NGEF: variants seen among roughly 807,000 people sequenced by gnomAD.
The protein encoded by NGEF is neuronal guanine nucleotide exchange factor, also known as ephexin-1.
A neutral mutation model predicts 80.9 loss-of-function variants in NGEF; 31 were observed. That is an observed-to-expected ratio of 0.38 (90% CI 0.29 to 0.52). The LOEUF is 0.52. NGEF is among the 20% of genes least tolerant of loss of function. The probability of loss-of-function intolerance (pLI) is 0.84; values close to 1 mark genes in which losing one functional copy is unlikely to be tolerated. For missense variants in NGEF, 709 were observed against 926.2 expected (o/e 0.77, Z 3.04); for synonymous variants, 371 against 370.2 (o/e 1.00, Z -0.03).
chr2:232,922,113 A>G (rs1692959753), intron 4 of NGEF, among the ~76,000 whole-genome samples: 1 of 152,214 alleles, frequency 6.6e-6, no homozygotes, highest in Admixed American at 6.5e-5. Context: ...TCTAACTATG[A>G]GACAAAGATG....
At chr2:232,970,990 A>G (rs944280971) in intron 2 of NGEF, among the ~76,000 whole-genome samples, 2 of 152,168 alleles carry the variant, frequency 1.3e-5, no homozygotes, top group Non-Finnish European at 2.9e-5. Flanking sequence ...CAACTTGCCA[A>G]TTTTTTTAGC....
intron 9 of NGEF, among the ~76,000 whole-genome samples, chr2:232,886,418 G>A (rs796355531): frequency 9.2e-5 from 14 of 152,192 alleles, no homozygotes; most frequent in African/African-American, 2.9e-4. Flanking sequence ...TGCGTGTGCC[G>A]TGTGTGCAGT....
rs865799153 is a variant in NGEF, at chr2:232,878,949, G to C, written c.*540C>G. The C allele has an allele frequency of 3.5e-4, 53 of 153,018 alleles. No individual in the cohort carries two copies. The highest frequency in any genetic ancestry group is 6.8e-3 in the Middle Eastern group (2 of 294). 9.5% of individuals were successfully genotyped at this position (153,018 alleles called of 1,614,324 possible). On this transcript the variant is annotated 3_prime_UTR_variant, in exon 15 of 15. Transcript: ENST00000264051. ...TGCAGCCAGAGGCTGGCAGAGGCCTGGGGAAGGGTGGGCAGAGGCAGCTGG... is the reference window on the plus strand; with the variant it reads ...TGCAGCCAGAGGCTGGCAGAGGCCTCGGGAAGGGTGGGCAGAGGCAGCTGG...
chr2:232,948,147 A>ATGTGTGTGTGTGTGTG (rs375640068), intron 3 of NGEF, among the ~76,000 whole-genome samples: 26 of 141,652 alleles, frequency 1.8e-4, no homozygotes, highest in African/African-American at 6.8e-4. Flanking sequence ...TAGCCTGGAG[A>ATGTGTGTGTGTGTGTG]TGTGTGTGTG....
chr2:232,948,187 A>G (rs372162027), intron 3 of NGEF, among the ~76,000 whole-genome samples: 3 of 76,902 alleles, frequency 3.9e-5, no homozygotes, highest in African/African-American at 1.7e-4. Flanking sequence ...GTGTGTGTAT[A>G]TAATTATTAT....
chr2:232,900,696 G>T (rs1243888875), intron 5 of NGEF, among the ~76,000 whole-genome samples: 1 of 118,580 alleles, frequency 8.4e-6, no homozygotes, highest in African/African-American at 3.5e-5. Context: ...TCATATACAC[G>T]TTCACTCACA....
chr2:232,955,244 G>A lies in NGEF; in HGVS notation c.383+14970C>T, dbSNP rs547710693. Reference sequence around the variant, plus strand: ...CTGAGCCGTTGGAGGGTCAGCTGCCGACCTGACATCCCATCATCCCCAAAT... The same window carrying A: ...CTGAGCCGTTGGAGGGTCAGCTGCCAACCTGACATCCCATCATCCCCAAAT... On this transcript the variant is annotated intron_variant, in intron 3 of 14. Transcript: ENST00000264051. Among the ~76,000 whole-genome samples, 5 of 152,196 alleles carry A rather than the reference G, an allele frequency of 3.3e-5. No individual in the cohort carries two copies. The South Asian group carries it at 8.3e-4, about 25-fold the overall frequency.
intron 4 of NGEF, among the ~76,000 whole-genome samples, chr2:232,926,307 C>T (rs969297671): frequency 2.6e-5 from 4 of 151,036 alleles, no homozygotes; most frequent in Non-Finnish European, 5.9e-5. Context: ...CCTCTCCTGA[C>T]GACATGAGAA....
chr2:233,012,685 A>G (rs13406245), intron 1 of NGEF: 103 of 369,120 alleles, frequency 2.8e-4, no homozygotes, highest in African/African-American at 2.2e-3. Context: ...GCTTGCTTTA[A>G]TGCTGTGTTG....
At position 232,879,428 on chromosome 2, in the gene NGEF, C is replaced by CA. The variant is rs962040100; in HGVS notation, c.*60_*61insT. ...GGCCTGTGCTTCCCAGAGCCCCCCC[C>CA]CCCCCACCTTCTGTCGGGGTCTCAT... On this transcript the variant is annotated 3_prime_UTR_variant, in exon 15 of 15. Transcript: ENST00000264051. 61 of 1,442,320 alleles carry CA rather than the reference C, an allele frequency of 4.2e-5. 1 individual carries two copies. Among genetic ancestry groups the CA allele is most frequent in the Non-Finnish European group, 5.3e-5 (56 of 1,057,770 alleles). 89.3% of individuals were successfully genotyped at this position (1,442,320 alleles called of 1,614,324 possible). A position where few individuals can be genotyped will look rare whatever the true frequency, so the allele number is the denominator to read the frequency against.
intron 5 of NGEF, among the ~76,000 whole-genome samples, chr2:232,914,886 G>T (rs1234815331): frequency 6.6e-6 from 1 of 151,598 alleles, no homozygotes; most frequent in East Asian, 1.9e-4. Flanking sequence ...GCGTGGTGGT[G>T]CACGCCTGTA....
chr2:232,879,763 A>G, intron 14 of NGEF, 84 bp from the exon 15 acceptor site: 1 of 1,351,784 alleles, frequency 7.4e-7, no homozygotes, highest in East Asian at 2.4e-5. Context: ...CAGGGCCCCC[A>G]TCTGTGGCGG....
chr2:232,981,966 A>G (rs1206532578), intron 1 of NGEF, among the ~76,000 whole-genome samples: 1 of 152,166 alleles, frequency 6.6e-6, no homozygotes. Context: ...AGGGGCCACC[A>G]GAGGGAAAAA....
intron 1 of NGEF, among the ~76,000 whole-genome samples, chr2:232,980,954 C>T (rs547227448): frequency 5.9e-5 from 9 of 151,892 alleles, no homozygotes; most frequent in Non-Finnish European, 1.0e-4. Context: ...GGAGTGCCTG[C>T]GCAGGTCAGA....
intron 5 of NGEF, among the ~76,000 whole-genome samples, chr2:232,900,944 C>G (rs1296737846): frequency 6.6e-6 from 1 of 152,220 alleles, no homozygotes; most frequent in Non-Finnish European, 1.5e-5. Flanking sequence ...TGACGTCCGG[C>G]GGCCTCAGAT....
At chr2:232,928,704 G>A (rs796665036) in intron 3 of NGEF, among the ~76,000 whole-genome samples, 11 of 152,294 alleles carry the variant, frequency 7.2e-5, no homozygotes, top group African/African-American at 2.4e-4. Context: ...GGTCTTTCCC[G>A]GGCGAGTCTG....
intron 5 of NGEF, among the ~76,000 whole-genome samples, chr2:232,919,781 G>A (rs1045949790): frequency 2.0e-5 from 3 of 152,156 alleles, no homozygotes; most frequent in Admixed American, 6.5e-5. Flanking sequence ...GATTTCTGCA[G>A]CATTTCAGGA....
chr2:232,992,316 G>T (rs542803307), intron 1 of NGEF, among the ~76,000 whole-genome samples: 3 of 152,104 alleles, frequency 2.0e-5, no homozygotes, highest in Admixed American at 6.5e-5. Context: ...TCAGCACTTT[G>T]GGGGGCCGAG....
intron 3 of NGEF, among the ~76,000 whole-genome samples, chr2:232,969,743 C>G (rs11683311): frequency 0.78 from 118,873 of 151,736 alleles, 47,097 homozygotes; most frequent in African/African-American, 0.89. Context: ...CAAACTCCTG[C>G]CCTCAAGTGA....
Sources: gnomAD v4.1 joint callset for allele counts (sites outside exome capture counted in the v4.1 genomes callset) on GRCh38, gnomAD v4.1.1 for gene constraint, MANE v1.5 for transcripts, NCBI Gene and HGNC (gene_info 2026-07-23, HGNC 2026-07-21) for gene names.